The following SIM1 variants were observed in gnomAD, a reference collection of about 807,000 sequenced individuals.
SIM1 encodes single-minded homolog 1.
In SIM1, 18 loss-of-function variants were observed where a neutral mutation model predicts 78.2. The ratio of observed to expected loss-of-function variants is 0.23; its 90% confidence interval spans 0.16 to 0.34. SIM1 has a LOEUF of 0.34. Among genes scored for constraint, SIM1 ranks in the 10% least tolerant of loss-of-function variants. The pLI is 1.00. For synonymous variants in SIM1, 417 were observed against 385.2 expected, an observed-to-expected ratio of 1.08 and a Z score of -0.97; for missense variants, 939 against 975.1, an observed-to-expected ratio of 0.96 and a Z score of 0.49.
Position 100,420,949 on chromosome 6 carries a change from T to A in SIM1, c.1008A>T (p.Glu336Asp). The change falls in exon 10 of 12, where the codon GAA becomes GAT. Residue 336 changes from glutamate (E) to aspartate (D), a missense_variant. Around this residue, in one of 5 missense-constraint regions of SIM1, gnomAD observed 66 missense variants for 108.4 expected, o/e 0.61. Transcript: ENST00000369208. ...CCAGGGAGAGCTGCAGCCCTTTGTA[T>A]TCTGTGTCTCTGCAGGGTGGGAGGA... ...VSVNYVLTDT[E>D]YKGLQLSLDQ... The A allele has an allele frequency of 6.2e-7, 1 of 1,613,514 alleles. No homozygotes were observed. The highest frequency in any genetic ancestry group is 8.5e-7 in the Non-Finnish European group (1 of 1,179,826).
rs769525801 is a variant in SIM1 at position 100,420,803 on chromosome 6, G to A, written c.1154C>T (p.Ser385Phe). The change falls in exon 10 of 12, where the codon TCC becomes TTC. Residue 385 changes from serine (S) to phenylalanine (F), a missense_variant. Ser to Phe is a radical substitution (Grantham distance 155). Coordinates refer to ENST00000369208, the MANE Select transcript of SIM1 (RefSeq NM_005068.3). ...CAATGCACTTACCTGAGGGTATGGG[G>A]AAGTCCTGGATTTTGACTTTGAGCT... ...LSSSKSKSRT[S>F]PYPQYSGFHT... The A allele has an allele frequency of 1.2e-6, 2 of 1,614,122 alleles. No homozygotes were observed. The highest frequency in any genetic ancestry group is 2.2e-5 in the South Asian group (2 of 91,082).
Position 100,464,794 on chromosome 6 carries a change from G to C in SIM1, c.-648C>G, listed in dbSNP as rs1772949129. ...GAGGAGGGGTGCGTGGCAGAAAGAG[G>C]AGGATGCAAGCTTTGGGACGAGTGA... On this transcript the variant is annotated 5_prime_UTR_variant, in exon 1 of 12. Coordinates refer to ENST00000369208, the MANE Select transcript of SIM1 (RefSeq NM_005068.3). The C allele has an allele frequency of 6.6e-6, 1 of 152,350 alleles. No homozygotes were observed. Among genetic ancestry groups the C allele is most frequent in the Non-Finnish European group, 1.5e-5 (1 of 68,144 alleles). The allele number at this position is 152,350 out of a possible 1,614,324, so 9.4% of individuals were successfully genotyped here.
chr6:100,435,634 C>A (rs1772025151), intron 9 of SIM1, among the ~76,000 whole-genome samples: 2 of 152,108 alleles, frequency 1.3e-5, no homozygotes, highest in African/African-American at 2.4e-5. Context: ...CTGAGAATTA[C>A]CTCTTATAAA....
chr6:100,401,744 T>C (rs1317106189), intron 10 of SIM1, among the ~76,000 whole-genome samples: 2 of 152,236 alleles, frequency 1.3e-5, no homozygotes, highest in South Asian at 2.1e-4. Flanking sequence ...AAAAATCCCA[T>C]ATAGTAAACT....
chr6:100,397,905 T>G (rs536183573), intron 10 of SIM1, among the ~76,000 whole-genome samples: 1 of 152,196 alleles, frequency 6.6e-6, no homozygotes, highest in East Asian at 1.9e-4. Context: ...AATAATCATA[T>G]GAAAAGATGT....
chr6:100,450,794 G>T (rs1003407308), intron 3 of SIM1, among the ~76,000 whole-genome samples: 5 of 151,890 alleles, frequency 3.3e-5, no homozygotes, highest in African/African-American at 1.2e-4. Context: ...AGCAGGGTTT[G>T]GGAATAGCAG....
In SIM1 at chr6:100,412,738, AG is replaced by A. The variant is rs879538644; in HGVS notation, c.1167+8051del. ...AAGAAAGAAAGAAAGAAAGAAAGAA[AG>A]AAAGAAAGAAAGAAAAAAGAAAAGA... On this transcript the variant is annotated intron_variant, in intron 10 of 11. Transcript: ENST00000369208. 7.5e-3 allele frequency among the ~76,000 whole-genome samples: 1,082 copies of A among 144,150 alleles called. 33 individuals are homozygous for A. The highest frequency in any genetic ancestry group is 0.032 in the Middle Eastern group (9 of 284). 94.6% of individuals were successfully genotyped at this position (144,150 alleles called of 152,430 possible).
chr6:100,447,290 C>A lies in SIM1; in HGVS notation c.976G>T (p.Val326Phe), dbSNP rs41285857. 2.2e-5 allele frequency: 36 copies of A among 1,614,206 alleles called. No homozygotes were observed. The highest frequency in any genetic ancestry group is 2.7e-5 in the Non-Finnish European group (32 of 1,180,034). Reference protein sequence around the residue: ...NSRSSRPHCIVSVNYVLTDTE... With the variant: ...NSRSSRPHCIFSVNYVLTDTE... ...CACGTGAGGACATAGTTGACGCTGACGATACAGTGTGGCCTGGAGGAGCGA... is the reference window on the plus strand; with the variant it reads ...CACGTGAGGACATAGTTGACGCTGAAGATACAGTGTGGCCTGGAGGAGCGA... Residue 326 changes from valine (V) to phenylalanine (F), a missense_variant, in exon 9 of 12, where the codon GTC (valine) becomes TTC (phenylalanine). Around this residue, in one of 5 missense-constraint regions of SIM1, gnomAD observed 66 missense variants for 108.4 expected, o/e 0.61. Transcript: ENST00000369208.
intron 10 of SIM1, among the ~76,000 whole-genome samples, chr6:100,412,555 A>AAAGAAAG (rs1281547759): frequency 0.013 from 864 of 64,480 alleles, 99 homozygotes; most frequent in East Asian, 0.055. Flanking sequence ...AGAAAGAAAG[A>AAAGAAAG]AAAGAAAGAA....
chr6:100,421,826 T>C (rs1254581925), intron 9 of SIM1, among the ~76,000 whole-genome samples: 13 of 152,202 alleles, frequency 8.5e-5, no homozygotes, highest in Admixed American at 8.5e-4. Flanking sequence ...ATATTAACCC[T>C]TTCCACTGGC....
intron 2 of SIM1, 167 bp downstream of exon 2, chr6:100,463,127 A>T: frequency 1.8e-6 from 1 of 559,336 alleles, no homozygotes; most frequent in Non-Finnish European, 3.1e-6. Context: ...AGCGACAGAA[A>T]TTCTGAGTTC....
intron 10 of SIM1, among the ~76,000 whole-genome samples, chr6:100,396,904 G>A (rs1770781990): frequency 6.6e-6 from 1 of 152,186 alleles, no homozygotes; most frequent in African/African-American, 2.4e-5. Flanking sequence ...GCATAAAAAT[G>A]CAGTAGTGGG....
intron 2 of SIM1, among the ~76,000 whole-genome samples, chr6:100,458,953 A>C (rs1488348432): frequency 6.6e-6 from 1 of 152,236 alleles, no homozygotes; most frequent in Non-Finnish European, 1.5e-5. Context: ...GCCCATTAAA[A>C]TCATTAGGTG....
chr6:100,450,147 CT>C, intron 4 of SIM1, 119 bp downstream of exon 4: 1 of 777,770 alleles, frequency 1.3e-6, no homozygotes, highest in Non-Finnish European at 2.2e-6. Flanking sequence ...TTCCTGCTAG[CT>C]GTGAGATGTC....
intron 10 of SIM1, among the ~76,000 whole-genome samples, chr6:100,418,406 A>C (rs1365821788): frequency 6.6e-6 from 1 of 151,808 alleles, no homozygotes; most frequent in Non-Finnish European, 1.5e-5. Context: ...AAATTAAAAA[A>C]GAAAATTTTC....
At chr6:100,391,580 C>T (rs576945537) in intron 11 of SIM1, among the ~76,000 whole-genome samples, 1 of 151,960 alleles carries the variant, frequency 6.6e-6, no homozygotes, top group African/African-American at 2.4e-5. Context: ...AAATAAATAA[C>T]CTAAAATGTT....
chr6:100,455,843 C>T (rs993319019), intron 2 of SIM1, among the ~76,000 whole-genome samples: 1 of 152,206 alleles, frequency 6.6e-6, no homozygotes, highest in African/African-American at 2.4e-5. Flanking sequence ...AAGCGGCCTC[C>T]CAACCAGAAT....
intron 6 of SIM1, 77 bp from the exon 7 acceptor site, chr6:100,448,755 ATGT>A (rs1562255159): frequency 1.5e-6 from 2 of 1,330,380 alleles, no homozygotes; most frequent in African/African-American, 1.4e-5. Flanking sequence ...GGGTTGAAAC[ATGT>A]TGAAACTCTG....
intron 10 of SIM1, among the ~76,000 whole-genome samples, chr6:100,409,063 T>A (rs1771126597): frequency 6.6e-6 from 1 of 152,156 alleles, no homozygotes; most frequent in South Asian, 2.1e-4. Flanking sequence ...AGGGTTTTGA[T>A]GATTGATTTA....
Sources: allele counts gnomAD v4.1 joint callset (sites outside exome capture counted in the v4.1 genomes callset), GRCh38; gene constraint gnomAD v4.1.1; regional missense constraint gnomAD v4.1.1; transcripts MANE v1.5; gene names NCBI Gene and HGNC (gene_info 2026-07-23, HGNC 2026-07-21).